SHISA9: variants seen among roughly 807,000 people sequenced by gnomAD.
The protein encoded by SHISA9 is shisa family member 9, also known as protein shisa-9.
Under a neutral mutation model 38.0 loss-of-function variants are expected in SHISA9, and 13 were observed. The ratio of observed to expected loss-of-function variants is 0.34; its 90% confidence interval spans 0.22 to 0.54. The LOEUF is 0.54. Ranked by LOEUF, SHISA9 falls within the 20% of genes least tolerant of loss-of-function variation. SHISA9 has a pLI of 0.91. For missense variants in SHISA9, 538 were observed against 575.8 expected (o/e 0.93, Z 0.67); for synonymous variants, 275 against 242.0 (o/e 1.14, Z -1.27).
At chr16:13,205,775 T>C (rs1019212463) in intron 3 of SHISA9, among the ~76,000 whole-genome samples, 6 of 152,102 alleles carry the variant, frequency 3.9e-5, no homozygotes, top group African/African-American at 1.2e-4. Flanking sequence ...TCTTTTTTCT[T>C]TTTTGAGACA....
At chr16:13,467,413 C>T in the SHISA9 span, among the ~76,000 whole-genome samples, 2 of 152,290 alleles carry the variant, frequency 1.3e-5, no homozygotes, top group East Asian at 3.9e-4. Context: ...CACTAGCCAC[C>T]TCCTGGGAGT....
intron 2 of SHISA9, among the ~76,000 whole-genome samples, chr16:13,015,735 C>T (rs867743971): frequency 3.4e-4 from 52 of 151,960 alleles, no homozygotes; most frequent in African/African-American, 1.0e-3. Context: ...CAAAGGTTTC[C>T]GGAGTAGCTG....
intron 3 of SHISA9, among the ~76,000 whole-genome samples, chr16:13,207,702 C>T (rs929022086): frequency 6.6e-6 from 1 of 152,156 alleles, no homozygotes; most frequent in Admixed American, 6.5e-5. Flanking sequence ...GATTGCTTGA[C>T]TCAATGGGTT....
At chr16:12,973,211 C>T (rs188359405) in intron 2 of SHISA9, among the ~76,000 whole-genome samples, 1 of 152,328 alleles carries the variant, frequency 6.6e-6, no homozygotes, top group East Asian at 1.9e-4. Flanking sequence ...CCCTGAGGAG[C>T]CTGGCAGCTG....
intron 2 of SHISA9, among the ~76,000 whole-genome samples, chr16:13,027,983 A>C (rs995517117): frequency 6.6e-6 from 1 of 151,722 alleles, no homozygotes; most frequent in East Asian, 1.9e-4. Flanking sequence ...GCCAAGCACT[A>C]AAAAGTGTAT....
Position 13,134,446 on chromosome 16 carries a change from G to C in SHISA9, c.692-68948G>C, listed in dbSNP as rs187434117. 7.9e-5 allele frequency among the ~76,000 whole-genome samples: 12 copies of C among 152,228 alleles called. No individual in the cohort carries two copies. In the East Asian group the frequency reaches 9.7e-4, roughly 12 times the overall value. On this transcript the variant is annotated intron_variant, in intron 2 of 4. Transcript: ENST00000558583. ...AAAATGGTTTCTTCCCAGGCCAATG[G>C]GGGAGAGAGGAGGGGTTATTTCTGC...
At chr16:13,052,336 G>A (rs376667278) in intron 2 of SHISA9, among the ~76,000 whole-genome samples, 3 of 152,086 alleles carry the variant, frequency 2.0e-5, no homozygotes, top group African/African-American at 7.2e-5. Context: ...ATAACTCTTG[G>A]TGAACATGTC....
the SHISA9 span, among the ~76,000 whole-genome samples, chr16:13,253,271 G>A: frequency 2.0e-5 from 3 of 152,106 alleles, no homozygotes; most frequent in Non-Finnish European, 4.4e-5. Context: ...ACTGTGTGGG[G>A]GTAGGAGTTG....
intron 2 of SHISA9, among the ~76,000 whole-genome samples, chr16:13,106,267 G>A (rs2073924321): frequency 1.3e-5 from 2 of 152,158 alleles, no homozygotes; most frequent in South Asian, 4.2e-4. Flanking sequence ...CTTGTGCAAA[G>A]ATTGTATACT....
intron 1 of SHISA9, among the ~76,000 whole-genome samples, chr16:12,912,614 C>CCTCT (rs1319848801): frequency 5.9e-5 from 9 of 152,104 alleles, no homozygotes; most frequent in Admixed American, 5.9e-4. Context: ...GTTTGGAAGG[C>CCTCT]CTCTGTCTTT....
At chr16:13,190,726 C>A (rs1006504049) in intron 2 of SHISA9, among the ~76,000 whole-genome samples, 2 of 152,148 alleles carry the variant, frequency 1.3e-5, no homozygotes, top group African/African-American at 4.8e-5. Context: ...GAATCTCTGT[C>A]CCCCAGAGCC....
chr16:13,558,166 C>T, the SHISA9 span, among the ~76,000 whole-genome samples: 1 of 152,312 alleles, frequency 6.6e-6, no homozygotes, highest in Admixed American at 6.5e-5. Context: ...CCCGAGTTTG[C>T]TGTGTGATCT....
At chr16:13,349,427 A>T in the SHISA9 span, among the ~76,000 whole-genome samples, 1 of 152,228 alleles carries the variant, frequency 6.6e-6, no homozygotes, top group East Asian at 1.9e-4. Context: ...TTGCTGATTA[A>T]GCACCAGCTC....
intron 2 of SHISA9, among the ~76,000 whole-genome samples, chr16:12,954,050 A>T (rs1486707665): frequency 6.6e-6 from 1 of 152,188 alleles, no homozygotes; most frequent in East Asian, 1.9e-4. Flanking sequence ...ACACAGAGTC[A>T]AACCATAACA....
chr16:12,968,782 C>A (rs895668902), intron 2 of SHISA9, among the ~76,000 whole-genome samples: 4 of 152,100 alleles, frequency 2.6e-5, no homozygotes, highest in African/African-American at 9.7e-5. Context: ...TGTTGCTACC[C>A]AACTCTGCCA....
At chr16:13,464,825 C>CT in the SHISA9 span, among the ~76,000 whole-genome samples, 181 of 150,530 alleles carry the variant, frequency 1.2e-3, no homozygotes, top group African/African-American at 2.7e-3. Context: ...CTATGCCCAC[C>CT]CCCACCCCCC....
rs139670326 is a variant in SHISA9, at chr16:13,179,224, C to T, written c.692-24170C>T. Among the ~76,000 whole-genome samples the T allele has an allele frequency of 2.4e-4, 37 of 152,166 alleles. No individual in the cohort carries two copies. In the East Asian group the frequency reaches 6.6e-3, roughly 27 times the overall value. On this transcript the variant is annotated intron_variant, in intron 2 of 4. Transcript: ENST00000558583. ...ATCCCACCTATTCAGGAGGCTGAGG[C>T]GGGAGAACAACCAGGAGGCGGAGGT...
At chr16:13,098,019 G>A (rs1033863107) in intron 2 of SHISA9, among the ~76,000 whole-genome samples, 6 of 152,294 alleles carry the variant, frequency 3.9e-5, no homozygotes, top group African/African-American at 1.4e-4. Context: ...CTTTATGTAT[G>A]CACAATCTTT....
chr16:12,904,763 G>T (rs887659387), intron 1 of SHISA9, among the ~76,000 whole-genome samples: 10 of 152,172 alleles, frequency 6.6e-5, no homozygotes, highest in Non-Finnish European at 1.2e-4. Context: ...AACTGTAACT[G>T]CTGTGTAGTA....
Sources: allele counts gnomAD v4.1 joint callset (sites outside exome capture counted in the v4.1 genomes callset), GRCh38; gene constraint gnomAD v4.1.1; transcripts MANE v1.5; gene names NCBI Gene and HGNC (gene_info 2026-07-23, HGNC 2026-07-21).